The following TLR6 variants were observed in gnomAD, a reference collection of about 807,000 sequenced individuals.
The protein encoded by TLR6 is toll-like receptor 6.
TLR6 carries 9 observed loss-of-function variants against 16.1 expected under a neutral mutation model. The ratio of observed to expected loss-of-function variants is 0.56; its 90% CI spans 0.34 to 0.98. The LOEUF is 0.98. TLR6 is among the 50% of genes least tolerant of loss of function. The pLI is 0.02. For synonymous variants in TLR6, 340 were observed against 338.6 expected (o/e 1.00, Z -0.04); for missense variants, 786 against 921.0 (o/e 0.85, Z 1.90).
chr4:38,845,635 TC>T (rs1376593032), intron 1 of TLR6, among the ~76,000 whole-genome samples: 1 of 152,168 alleles, frequency 6.6e-6, no homozygotes, highest in Non-Finnish European at 1.5e-5. Flanking sequence ...GTACCTGGAT[TC>T]CCTCCTAGAG....
intron 1 of TLR6, among the ~76,000 whole-genome samples, chr4:38,855,125 T>C (rs55963023): frequency 0.15 from 22,250 of 148,334 alleles, 2,158 homozygotes; most frequent in Middle Eastern, 0.39. Context: ...GGCAGGAGAA[T>C]GGCGTGAACC....
chr4:38,827,673 T>C, exon 2 of TLR6: 1 of 1,614,188 alleles, frequency 6.2e-7, no homozygotes, highest in Middle Eastern at 1.6e-4. Context: ...GAGGTCACAG[T>C]CACAGCCAAC....
At chr4:38,846,877 T>C (rs1018635998) in intron 1 of TLR6, among the ~76,000 whole-genome samples, 10 of 152,024 alleles carry the variant, frequency 6.6e-5, no homozygotes, top group Non-Finnish European at 1.3e-4. Context: ...TTTGTAAGTA[T>C]ATATATTATA....
exon 2 of TLR6, chr4:38,827,531 T>C (rs771958203): frequency 1.2e-5 from 19 of 1,614,088 alleles, no homozygotes; most frequent in African/African-American, 6.7e-5. Context: ...ATGTTCACTA[T>C]ATGAAATAAA....
chr4:38,827,602 A>G (rs113018374), exon 2 of TLR6: 44 of 1,612,818 alleles, frequency 2.7e-5, no homozygotes, highest in Admixed American at 1.2e-4. Context: ...CCCTGCGCCG[A>G]GTCTGGGTCC....
At chr4:38,823,732 T>G (rs1242186136) in exon 2 of TLR6, 1 of 152,220 alleles carries the variant, frequency 6.6e-6, no homozygotes, top group Non-Finnish European at 1.5e-5. Flanking sequence ...TCTGGATCAA[T>G]TTTTCAACCT....
chr4:38,828,619 A>G, exon 2 of TLR6: 1 of 1,613,990 alleles, frequency 6.2e-7, no homozygotes, highest in Non-Finnish European at 8.5e-7. Flanking sequence ...TTATTGTTAA[A>G]TTGTAAATAT....
chr4:38,827,729 C>A, exon 2 of TLR6: 1 of 1,614,230 alleles, frequency 6.2e-7, no homozygotes, highest in Non-Finnish European at 8.5e-7. Context: ...AGTTATGTTG[C>A]AGGATAATTC....
At chr4:38,828,136 T>C (rs1485237266) in exon 2 of TLR6, 1 of 1,614,122 alleles carries the variant, frequency 6.2e-7, no homozygotes, top group Non-Finnish European at 8.5e-7. Context: ...GAGGTAAACA[T>C]CTGAAAACAG....
chr4:38,832,983 C>A (rs1185516616), intron 1 of TLR6, among the ~76,000 whole-genome samples: 1 of 152,076 alleles, frequency 6.6e-6, no homozygotes, highest in Non-Finnish European at 1.5e-5. Context: ...GTCCACCATG[C>A]CCTTTGCTGC....
At chr4:38,856,893 G>A (rs994834256), upstream of TLR6, 2 of 152,188 alleles carry the variant, frequency 1.3e-5, no homozygotes, top group African/African-American at 4.8e-5. Context: ...CCATCTGTTG[G>A]CCCACACTGG....
rs1450610645 is a variant in TLR6, at chr4:38,838,991, GA to G, written c.-64-9455del. Among the ~76,000 whole-genome samples the G allele has an allele frequency of 4.4e-5, 6 of 137,478 alleles. No homozygotes were observed. The South Asian group carries it at 7.2e-4, about 16-fold the overall frequency. 90.2% of individuals were successfully genotyped at this position (137,478 alleles called of 152,430 possible). A position where few individuals can be genotyped will look rare whatever the true frequency, so the allele number is the denominator to read the frequency against. ...GGAGGAAGGAAAGAAAGGAGGGAGAGAGGGGGAGAGAGAGAAGGAGAGAGAG... is the reference window on the plus strand; with the variant it reads ...GGAGGAAGGAAAGAAAGGAGGGAGAGGGGGGAGAGAGAGAAGGAGAGAGAG... On this transcript the variant is annotated intron_variant, in intron 1 of 1. Coordinates refer to ENST00000436693, the Ensembl canonical transcript of TLR6.
chr4:38,832,754 A>G (rs181707410), intron 1 of TLR6, among the ~76,000 whole-genome samples: 7 of 152,208 alleles, frequency 4.6e-5, no homozygotes, highest in Non-Finnish European at 1.5e-5. Context: ...CAGTGCAGCT[A>G]GGTCCCCAGC....
At chr4:38,842,560 C>CA (rs1712326369) in intron 1 of TLR6, among the ~76,000 whole-genome samples, 1 of 152,210 alleles carries the variant, frequency 6.6e-6, no homozygotes, top group African/African-American at 2.4e-5. Context: ...CTCAGAAACT[C>CA]AGACATATGC....
chr4:38,825,615 C>T (rs1727507266), exon 2 of TLR6: 1 of 152,298 alleles, frequency 6.6e-6, no homozygotes, highest in Admixed American at 6.5e-5. Context: ...TGCACAGTTC[C>T]ATGATGCAGG....
exon 2 of TLR6, chr4:38,827,718 G>A: frequency 1.2e-6 from 2 of 1,614,244 alleles, no homozygotes; most frequent in Non-Finnish European, 1.7e-6. Flanking sequence ...ACGATCAGCA[G>A]AGTTATGTTG....
exon 2 of TLR6, chr4:38,827,490 G>A (rs200330648): frequency 1.2e-6 from 2 of 1,614,124 alleles, no homozygotes; most frequent in Non-Finnish European, 1.7e-6. Flanking sequence ...TCTAGGTAAG[G>A]TACCAATTCA....
chr4:38,852,960 A>T (rs1181925478), intron 1 of TLR6, among the ~76,000 whole-genome samples: 2 of 152,118 alleles, frequency 1.3e-5, no homozygotes, highest in Non-Finnish European at 2.9e-5. Context: ...TATTCACAAT[A>T]GCAAAGACTT....
intron 1 of TLR6, among the ~76,000 whole-genome samples, chr4:38,849,657 A>C (rs1712686346): frequency 6.8e-6 from 1 of 146,254 alleles, no homozygotes; most frequent in Non-Finnish European, 1.6e-5. Flanking sequence ...ACTATAAACT[A>C]ACAAAAATCA....
Sources: allele counts gnomAD v4.1 joint callset (sites outside exome capture counted in the v4.1 genomes callset), GRCh38; gene constraint gnomAD v4.1.1; transcripts MANE v1.5; gene names NCBI Gene and HGNC (gene_info 2026-07-23, HGNC 2026-07-21).